The following TXK variants were observed in gnomAD, a reference collection of about 807,000 sequenced individuals.
TXK encodes the protein tyrosine-protein kinase TXK.
TXK carries 60 observed loss-of-function variants against 81.0 expected under a neutral mutation model. That is an observed-to-expected ratio of 0.74 (90% CI 0.60 to 0.92). TXK has a LOEUF of 0.92. Ranked by LOEUF, TXK falls within the 40% of genes least tolerant of loss-of-function variation. The pLI is 0.00. For synonymous variants in TXK, 203 were observed against 210.7 expected (o/e 0.96, Z 0.32); for missense variants, 581 against 638.3 (o/e 0.91, Z 0.97).
At chr4:48,108,815 A>G (rs1486287455) in intron 5 of TXK, among the ~76,000 whole-genome samples, 2 of 152,200 alleles carry the variant, frequency 1.3e-5, no homozygotes, top group African/African-American at 4.8e-5. Flanking sequence ...TCCACAGTAT[A>G]AACAGGCTGT....
At chr4:48,120,690 C>T (rs556578895) in intron 1 of TXK, among the ~76,000 whole-genome samples, 5 of 152,038 alleles carry the variant, frequency 3.3e-5, no homozygotes, top group Non-Finnish European at 7.4e-5. Context: ...GGGGTTTCAC[C>T]ATTTTGGCTA....
In TXK at chr4:48,112,522, C is replaced by CGAAAGCCA; in HGVS notation, c.175-11_175-10insTGGCTTTC. The stretch of plus-strand genomic sequence containing the variant: ...CACGGCCCGTGTTGGACTGTGAAAA[C>CGAAAGCCA]CAATAAGTGAGTTGTTTTACTATCA... On this transcript the variant is annotated splice_polypyrimidine_tract_variant and intron_variant, in intron 3 of 14. Transcript: ENST00000264316. The CGAAAGCCA allele has an allele frequency of 6.3e-7, 1 of 1,589,922 alleles. No homozygotes were observed. Among genetic ancestry groups the CGAAAGCCA allele is most frequent in the Non-Finnish European group, 8.6e-7 (1 of 1,169,474 alleles).
chr4:48,087,175 T>C (rs1717567000), intron 9 of TXK, among the ~76,000 whole-genome samples: 1 of 152,054 alleles, frequency 6.6e-6, no homozygotes, highest in Non-Finnish European at 1.5e-5. Flanking sequence ...TATCTAAGAG[T>C]ATAGCTGAAG....
intron 1 of TXK, among the ~76,000 whole-genome samples, chr4:48,124,711 G>A (rs1041175347): frequency 2.0e-5 from 3 of 152,072 alleles, no homozygotes; most frequent in Non-Finnish European, 4.4e-5. Context: ...ATTTGTGGGG[G>A]CTCATAAGTC....
chr4:48,122,744 A>G (rs1718991045), intron 1 of TXK, among the ~76,000 whole-genome samples: 1 of 152,268 alleles, frequency 6.6e-6, no homozygotes, highest in Non-Finnish European at 1.5e-5. Context: ...AGAGCACAAA[A>G]TTATAAGCTT....
At chr4:48,105,413 T>C (rs986998816) in intron 5 of TXK, among the ~76,000 whole-genome samples, 4 of 152,202 alleles carry the variant, frequency 2.6e-5, no homozygotes, top group African/African-American at 9.7e-5. Flanking sequence ...CTCCTAAGTA[T>C]ATTACGTCAT....
At chr4:48,120,689 C>T (rs1162451895) in intron 1 of TXK, among the ~76,000 whole-genome samples, 1 of 152,044 alleles carries the variant, frequency 6.6e-6, no homozygotes, top group East Asian at 1.9e-4. Flanking sequence ...TGGGGTTTCA[C>T]CATTTTGGCT....
intron 2 of TXK, among the ~76,000 whole-genome samples, chr4:48,113,541 T>C (rs1718708718): frequency 6.6e-6 from 1 of 152,204 alleles, no homozygotes; most frequent in African/African-American, 2.4e-5. Flanking sequence ...TAAAATAAAA[T>C]TGAGAAAACA....
At chr4:48,073,075 C>A (rs1240205680) in intron 13 of TXK, among the ~76,000 whole-genome samples, 2 of 147,474 alleles carry the variant, frequency 1.4e-5, no homozygotes, top group Non-Finnish European at 3.0e-5. Context: ...CAGGTATATG[C>A]CACCACACCT....
chr4:48,109,464 T>C (rs755711883), intron 5 of TXK: 18 of 152,152 alleles, frequency 1.2e-4, no homozygotes, highest in Non-Finnish European at 2.4e-4. Context: ...GAACTTTGAT[T>C]TACTGGAGAT....
intron 5 of TXK, among the ~76,000 whole-genome samples, chr4:48,109,035 C>T (rs1176972510): frequency 6.6e-6 from 1 of 152,140 alleles, no homozygotes; most frequent in Non-Finnish European, 1.5e-5. Flanking sequence ...TTTTTCTGAG[C>T]AAGAGATTTT....
intron 1 of TXK, among the ~76,000 whole-genome samples, chr4:48,124,298 T>G (rs750961124): frequency 1.7e-4 from 26 of 152,052 alleles, no homozygotes; most frequent in South Asian, 4.1e-4. Flanking sequence ...ACCACCACCT[T>G]CCAATTGTGG....
rs780007278 is a variant in TXK, at chr4:48,094,121, T to C, written c.665A>G (p.Gln222Arg). The change falls in exon 8 of 15, where the codon CAA becomes CGA. Residue 222 changes from glutamine (Q) to arginine (R), a missense_variant. Gln to Arg is a conservative substitution (Grantham distance 43). Coordinates refer to ENST00000264316, the MANE Select transcript of TXK (RefSeq NM_003328.3). ...ATACCAGATTAACTCAGGGATTGAT[T>C]GAAAGGCGTGTCTTTCAGCCACATA... ...QWYVAERHAFQSIPELIWYHQ... is the reference protein window; with the variant it reads ...QWYVAERHAFRSIPELIWYHQ... 6.2e-6 allele frequency: 10 copies of C among 1,613,726 alleles called. No homozygotes were observed. Among genetic ancestry groups the C allele is most frequent in the African/African-American group, 1.3e-5 (1 of 74,932 alleles).
chr4:48,086,737 T>G, intron 9 of TXK, 100 bp from the exon 10 acceptor site: 1 of 1,105,512 alleles, frequency 9.0e-7, no homozygotes, highest in African/African-American at 1.6e-5. Flanking sequence ...GACAGAGAGG[T>G]TAAAAAATGT....
chr4:48,114,462 T>G, intron 1 of TXK, 60 bp from the exon 2 acceptor site: 10 of 1,477,060 alleles, frequency 6.8e-6, no homozygotes, highest in African/African-American at 1.4e-5. Context: ...ATTGAGGGAG[T>G]CTCTAAGGGA....
intron 9 of TXK, among the ~76,000 whole-genome samples, chr4:48,087,441 AT>A (rs1043323736): frequency 3.3e-4 from 49 of 149,338 alleles, no homozygotes; most frequent in African/African-American, 6.9e-4. Context: ...TATTATTATT[AT>A]TTTTTTTTTT....
chr4:48,095,325 G>A, intron 6 of TXK, 103 bp from the exon 7 acceptor site: 4 of 752,494 alleles, frequency 5.3e-6, no homozygotes, highest in Non-Finnish European at 8.8e-6. Context: ...CCATAAATAA[G>A]TGACCTGCTA....
chr4:48,069,953 AT>A (rs1473249903), intron 14 of TXK, among the ~76,000 whole-genome samples: 1 of 152,192 alleles, frequency 6.6e-6, no homozygotes, highest in Non-Finnish European at 1.5e-5. Context: ...CTTGCTGAGC[AT>A]TTTTCTATGT....
At chr4:48,080,804 T>C (rs965373185) in intron 10 of TXK, among the ~76,000 whole-genome samples, 1 of 152,062 alleles carries the variant, frequency 6.6e-6, no homozygotes, top group Non-Finnish European at 1.5e-5. Context: ...TAATACTATA[T>C]TCAATCTCTA....
Sources: gnomAD v4.1 joint callset for allele counts (sites outside exome capture counted in the v4.1 genomes callset) on GRCh38, gnomAD v4.1.1 for gene constraint, MANE v1.5 for transcripts, NCBI Gene and HGNC (gene_info 2026-07-23, HGNC 2026-07-21) for gene names.